Variants in FNBP1L observed in about 807,000 individuals in gnomAD.
FNBP1L encodes formin-binding protein 1-like.
FNBP1L carries 36 observed loss-of-function variants against 91.2 expected under a neutral mutation model. The ratio of observed to expected loss-of-function variants is 0.39; its 90% CI spans 0.30 to 0.52. FNBP1L has a LOEUF of 0.52. FNBP1L is among the 20% of genes least tolerant of loss of function. The pLI is 0.66. For synonymous variants in FNBP1L, 242 were observed against 237.0 expected (o/e 1.02, Z -0.19); for missense variants, 571 against 732.1 (o/e 0.78, Z 2.54).
chr1:93,524,213 GTTTTATTTTTTAT>G lies in FNBP1L; in HGVS notation c.343-36_343-24del, dbSNP rs752665163. On this transcript the variant is annotated intron_variant, in intron 4 of 16. Transcript: ENST00000271234. ...AATGTAATTATTTTTATTTGTTTTT[GTTTTATTTTTTAT>G]TTTTATTTTTTTTGGCCGTGGTTAT... The G allele has an allele frequency of 5.0e-5, 69 of 1,367,722 alleles. 1 individual carries two copies. Among genetic ancestry groups the G allele is most frequent in the Non-Finnish European group, 6.4e-5 (67 of 1,043,032 alleles). The allele number at this position is 1,367,722 out of a possible 1,614,324, so 84.7% of individuals were successfully genotyped here.
At chr1:93,532,283 A>G (rs560399367) in intron 7 of FNBP1L, among the ~76,000 whole-genome samples, 16 of 152,210 alleles carry the variant, frequency 1.1e-4, no homozygotes, top group Admixed American at 3.3e-4. Context: ...CCTGGCCAAC[A>G]TGGTGAAACC....
intron 1 of FNBP1L, among the ~76,000 whole-genome samples, chr1:93,477,283 T>G (rs1034806254): frequency 6.6e-6 from 1 of 152,156 alleles, no homozygotes; most frequent in African/African-American, 2.4e-5. Context: ...GTATCCTGTG[T>G]GAATAAATGA....
At chr1:93,545,958 A>G (rs1672211985) in intron 12 of FNBP1L, among the ~76,000 whole-genome samples, 1 of 152,110 alleles carries the variant, frequency 6.6e-6, no homozygotes, top group South Asian at 2.1e-4. Context: ...AATGTGAAAA[A>G]TCCATATTAG....
chr1:93,458,432 G>A (rs1273677336), intron 1 of FNBP1L, among the ~76,000 whole-genome samples: 3 of 152,126 alleles, frequency 2.0e-5, no homozygotes, highest in Non-Finnish European at 2.9e-5. Context: ...GCCCAGCCCA[G>A]AAGAATGAAA....
At chr1:93,498,107 G>A (rs1251842381) in intron 1 of FNBP1L, among the ~76,000 whole-genome samples, 1 of 151,840 alleles carries the variant, frequency 6.6e-6, no homozygotes, top group Non-Finnish European at 1.5e-5. Flanking sequence ...TTTTTGTTCA[G>A]GTTTTTTACT....
At chr1:93,466,728 A>G (rs888511577) in intron 1 of FNBP1L, among the ~76,000 whole-genome samples, 12 of 152,066 alleles carry the variant, frequency 7.9e-5, no homozygotes, top group African/African-American at 2.7e-4. Flanking sequence ...AGTTTTTCCA[A>G]TTCTGTGAAG....
intron 1 of FNBP1L, among the ~76,000 whole-genome samples, chr1:93,456,077 G>A (rs1214624579): frequency 6.6e-6 from 1 of 152,218 alleles, no homozygotes; most frequent in African/African-American, 2.4e-5. Flanking sequence ...TCCAGCCTGG[G>A]CAATATAATG....
At chr1:93,470,654 C>T (rs1479613481) in intron 1 of FNBP1L, among the ~76,000 whole-genome samples, 1 of 152,030 alleles carries the variant, frequency 6.6e-6, no homozygotes, top group Non-Finnish European at 1.5e-5. Context: ...GGGCGAATCA[C>T]CTGAGGTCAG....
chr1:93,505,383 T>C (rs1670576174), intron 2 of FNBP1L, among the ~76,000 whole-genome samples: 1 of 152,212 alleles, frequency 6.6e-6, no homozygotes, highest in East Asian at 1.9e-4. Flanking sequence ...CCTACTGCTG[T>C]GTCCAGTTTC....
chr1:93,515,213 A>G (rs1671042380), intron 2 of FNBP1L, among the ~76,000 whole-genome samples: 1 of 152,194 alleles, frequency 6.6e-6, no homozygotes, highest in Admixed American at 6.5e-5. Context: ...AACCACAATG[A>G]CATACCATCT....
chr1:93,529,831 A>C, intron 6 of FNBP1L, 75 bp downstream of exon 6: 5 of 831,016 alleles, frequency 6.0e-6, no homozygotes, highest in Non-Finnish European at 9.5e-6. Context: ...CGACATTTGT[A>C]TGACTACAGT....
chr1:93,542,443 GAAAAAAA>G (rs61650755), intron 11 of FNBP1L, among the ~76,000 whole-genome samples: 10 of 82,558 alleles, frequency 1.2e-4, no homozygotes, highest in African/African-American at 2.3e-4. Context: ...ATTGGTAAAT[GAAAAAAA>G]AAAAAAAAAA....
At chr1:93,474,501 A>T (rs1669425162) in intron 1 of FNBP1L, among the ~76,000 whole-genome samples, 2 of 152,218 alleles carry the variant, frequency 1.3e-5, no homozygotes. Flanking sequence ...TACAAGTGTG[A>T]TGAGAGCTGT....
intron 1 of FNBP1L, among the ~76,000 whole-genome samples, chr1:93,479,930 G>GT (rs1031491558): frequency 1.1e-4 from 16 of 152,166 alleles, no homozygotes; most frequent in Admixed American, 9.8e-4. Context: ...AGAGATTAAA[G>GT]TAAGACAGGC....
Position 93,553,425 on chromosome 1 carries a change from A to AG in FNBP1L, c.*1011dup, listed in dbSNP as rs2101781317. 1 of 152,838 alleles carries AG rather than the reference A, an allele frequency of 6.5e-6. No individual in the cohort carries two copies. Among genetic ancestry groups the AG allele is most frequent in the African/African-American group, 2.4e-5 (1 of 41,602 alleles). The allele number at this position is 152,838 out of a possible 1,614,324, so 9.5% of individuals were successfully genotyped here. ...CTGCAGCTGCCGATGTAGCCTCGGT[A>AG]GGTGGCTATTAGAGCTCTACCATAT... On this transcript the variant is annotated 3_prime_UTR_variant, in exon 17 of 17. Transcript: ENST00000271234.
chr1:93,457,664 T>G (rs1477274729), intron 1 of FNBP1L, among the ~76,000 whole-genome samples: 1 of 152,096 alleles, frequency 6.6e-6, no homozygotes, highest in East Asian at 1.9e-4. Context: ...TTGATATATA[T>G]TTTATCCAGA....
At chr1:93,465,760 A>G (rs866746957) in intron 1 of FNBP1L, among the ~76,000 whole-genome samples, 16 of 152,174 alleles carry the variant, frequency 1.1e-4, no homozygotes, top group Admixed American at 5.2e-4. Flanking sequence ...CTAGTTCTAG[A>G]TCCTTGAGGA....
intron 1 of FNBP1L, among the ~76,000 whole-genome samples, chr1:93,464,195 A>G (rs1668995181): frequency 6.6e-6 from 1 of 152,222 alleles, no homozygotes; most frequent in Non-Finnish European, 1.5e-5. Context: ...ACTTAAACAT[A>G]TGATTCAGCA....
Position 93,549,332 on chromosome 1 carries a change from G to A in FNBP1L, c.1557G>A (p.Gln519=). The change falls in exon 15 of 17, where the codon CAG becomes CAA. Residue 519 remains glutamine, a synonymous_variant. Coordinates refer to ENST00000271234, the MANE Select transcript of FNBP1L (RefSeq NM_001164473.3). ...DANQEVRGPP[Q]QHGHHNEFDD... The stretch of plus-strand genomic sequence containing the variant: ...ACCAGGAAGTCCGTGGGCCACCCCA[G>A]CAGCATGGTCACCACAATGAGTTTG... 6.2e-7 allele frequency: 1 copy of A among 1,612,970 alleles called. No homozygotes were observed. The highest frequency in any genetic ancestry group is 8.5e-7 in the Non-Finnish European group (1 of 1,179,384).
Sources: gnomAD v4.1 joint callset for allele counts (sites outside exome capture counted in the v4.1 genomes callset) on GRCh38, gnomAD v4.1.1 for gene constraint, MANE v1.5 for transcripts, NCBI Gene and HGNC (gene_info 2026-07-23, HGNC 2026-07-21) for gene names.